Variants in MYDGF observed in about 807,000 individuals in gnomAD.
The protein encoded by MYDGF is myeloid derived growth factor.
In MYDGF, 29 loss-of-function variants were observed where a neutral mutation model predicts 24.2. That is an observed-to-expected ratio of 1.20 (90% CI 0.89 to 1.63). The LOEUF is 1.63. Ranked by LOEUF, MYDGF falls within the 40% of genes most tolerant of loss-of-function variation. The pLI, the probability that MYDGF is intolerant of heterozygous loss-of-function variation, is 0.00. For synonymous variants in MYDGF, 105 were observed against 102.5 expected (o/e 1.02, Z -0.15); for missense variants, 245 against 234.8 (o/e 1.04, Z -0.29).
chr19:4,661,163 C>T (rs2088468221), intron 3 of MYDGF, among the ~76,000 whole-genome samples: 1 of 152,046 alleles, frequency 6.6e-6, no homozygotes, highest in Non-Finnish European at 1.5e-5. Context: ...AACATGGTTT[C>T]ACCATGTTGG....
chr19:4,670,294 C>A lies in MYDGF; in HGVS notation c.41G>T (p.Ser14Ile). Residue 14 changes from serine to isoleucine, a missense_variant, in exon 1 of 6, where the codon AGC becomes ATC. Physicochemically the swap from Ser to Ile is moderately radical, Grantham distance 142 (BLOSUM62 -2). Coordinates refer to ENST00000262947, the MANE Select transcript of MYDGF (RefSeq NM_019107.4). ...CCCTAGGAGCAGCGCGGCCCACAAG[C>A]TCGCGCCGACGCCGTTCCACCCTCC... ...PSGGWNGVGA[S>I]LWAALLLGAV... is the part of the protein sequence containing the mutation. The A allele has an allele frequency of 6.6e-7, 1 of 1,511,224 alleles. No individual in the cohort carries two copies. Among genetic ancestry groups the A allele is most frequent in the Admixed American group, 2.2e-5 (1 of 45,132 alleles). The allele number at this position is 1,511,224 out of a possible 1,614,324, so 93.6% of individuals were successfully genotyped here. A position where few individuals can be genotyped will look rare whatever the true frequency, so the allele number is the denominator to read the frequency against.
intron 5 of MYDGF, among the ~76,000 whole-genome samples, 161 bp from the exon 6 acceptor site, chr19:4,658,245 GT>G (rs1221016138): frequency 6.6e-6 from 1 of 152,220 alleles, no homozygotes; most frequent in African/African-American, 2.4e-5. Flanking sequence ...AGTCTTACGG[GT>G]GACAGACAGG....
At chr19:4,658,206 T>C in intron 5 of MYDGF, 122 bp from the exon 6 acceptor site, 1 of 752,998 alleles carries the variant, frequency 1.3e-6, no homozygotes, top group Non-Finnish European at 2.1e-6. Context: ...CAAAGCAGAC[T>C]CCCATGTGAA....
rs554190127 is a variant in MYDGF, at chr19:4,669,485, G to T, written c.174+676C>A. 1.4e-3 allele frequency among the ~76,000 whole-genome samples: 210 copies of T among 152,264 alleles called. 2 individuals are homozygous for T. The highest frequency in any genetic ancestry group is 0.01 in the Middle Eastern group (3 of 294). ...CAACAACAATTATCCGGGTGTGGTG[G>T]CACACGTCTGTAATCCCAGGTACTG... is the stretch of plus-strand genomic sequence containing the variant. On this transcript the variant is annotated intron_variant, in intron 1 of 5. Transcript: ENST00000262947.
At chr19:4,664,280 T>C (rs2088503521) in intron 3 of MYDGF, among the ~76,000 whole-genome samples, 2 of 152,036 alleles carry the variant, frequency 1.3e-5, no homozygotes, top group African/African-American at 4.8e-5. Context: ...TGCAGCTGAA[T>C]TGTGAGCTTA....
chr19:4,657,652 G>A lies in MYDGF; in HGVS notation c.*353C>T, dbSNP rs1311582253. On this transcript the variant is annotated 3_prime_UTR_variant, in exon 6 of 6. Transcript: ENST00000262947. ...TAAACATAGGAAAGCAGTTCTGCAG[G>A]CTCATGAAGGATGCTCGGCTGGAGG... The A allele has an allele frequency of 1.0e-5, 2 of 193,078 alleles. No homozygotes were observed. Among genetic ancestry groups the A allele is most frequent in the African/African-American group, 4.7e-5 (2 of 42,986 alleles). 12.0% of individuals were successfully genotyped at this position (193,078 alleles called of 1,614,324 possible). A position where few individuals can be genotyped will look rare whatever the true frequency, so the allele number is the denominator to read the frequency against.
intron 2 of MYDGF, among the ~76,000 whole-genome samples, chr19:4,665,820 CAAAAAAAAAAAA>C (rs533879529): frequency 2.0e-4 from 9 of 45,490 alleles, no homozygotes; most frequent in East Asian, 1.2e-3. Flanking sequence ...GACTCTGTCT[CAAAAAAAAAAAA>C]AAAAAAAAAA....
At chr19:4,670,054 C>A in intron 1 of MYDGF, 107 bp downstream of exon 1, 2 of 1,243,846 alleles carry the variant, frequency 1.6e-6, no homozygotes, top group South Asian at 2.0e-5. Context: ...TTCTTCAGTA[C>A]CCACCTCCGC....
intron 1 of MYDGF, 67 bp from the exon 2 acceptor site, chr19:4,668,712 C>A (rs1220210324): frequency 1.0e-5 from 14 of 1,402,292 alleles, no homozygotes; most frequent in Non-Finnish European, 1.4e-5. Context: ...GAGACGGGGT[C>A]TTGCTGTCAC....
At chr19:4,668,526 G>T in intron 2 of MYDGF, 69 bp downstream of exon 2, 2 of 1,406,778 alleles carry the variant, frequency 1.4e-6, no homozygotes, top group South Asian at 1.2e-5. Context: ...CCTGCTGTCT[G>T]CTACAGAACA....
At chr19:4,658,143 G>A (rs1224611514) in intron 5 of MYDGF, 59 bp from the exon 6 acceptor site, 6 of 1,497,296 alleles carry the variant, frequency 4.0e-6, no homozygotes, top group Admixed American at 1.9e-5. Context: ...GAAGTCCGGA[G>A]GATTTGGGGT....
intron 5 of MYDGF, among the ~76,000 whole-genome samples, chr19:4,658,689 A>G (rs2088444289): frequency 6.6e-6 from 1 of 152,156 alleles, no homozygotes; most frequent in African/African-American, 2.4e-5. Flanking sequence ...GCAACCGAAG[A>G]AGGACCCTGA....
intron 3 of MYDGF, among the ~76,000 whole-genome samples, chr19:4,661,299 T>C (rs184890584): frequency 6.6e-6 from 1 of 152,262 alleles, no homozygotes; most frequent in African/African-American, 2.4e-5. Context: ...AGCTCATTCA[T>C]AGACACGCCT....
intron 3 of MYDGF, 81 bp downstream of exon 3, chr19:4,664,795 T>A: frequency 6.7e-7 from 1 of 1,496,482 alleles, no homozygotes; most frequent in Admixed American, 1.8e-5. Context: ...CAGCCCTCGT[T>A]CCCTGCCTTC....
chr19:4,661,695 G>C (rs1035917579), intron 3 of MYDGF, among the ~76,000 whole-genome samples: 11 of 152,190 alleles, frequency 7.2e-5, no homozygotes, highest in African/African-American at 2.6e-4. Context: ...TGGGGCGGGG[G>C]TATCCAGGGA....
chr19:4,658,191 G>T, intron 5 of MYDGF, 107 bp from the exon 6 acceptor site: 1 of 907,978 alleles, frequency 1.1e-6, no homozygotes, highest in East Asian at 2.7e-5. Flanking sequence ...AAGGGGAGCA[G>T]TCTCCAAAGC....
intron 3 of MYDGF, among the ~76,000 whole-genome samples, chr19:4,662,349 CTGTT>C (rs1317785325): frequency 1.3e-5 from 2 of 152,208 alleles, no homozygotes; most frequent in East Asian, 1.9e-4. Context: ...GAAATACCCA[CTGTT>C]TGGGCTGAGA....
intron 3 of MYDGF, among the ~76,000 whole-genome samples, chr19:4,663,592 C>T (rs376497535): frequency 4.1e-5 from 2 of 49,286 alleles, no homozygotes; most frequent in Non-Finnish European, 9.4e-5. Flanking sequence ...CTCCAATCTA[C>T]CCTCCCCACC....
intron 3 of MYDGF, among the ~76,000 whole-genome samples, chr19:4,662,796 G>A (rs1205440184): frequency 6.6e-6 from 1 of 151,990 alleles, no homozygotes; most frequent in Non-Finnish European, 1.5e-5. Flanking sequence ...TTCCCCGGGA[G>A]ATAGCATCAT....
Sources: gnomAD v4.1 joint callset for allele counts (sites outside exome capture counted in the v4.1 genomes callset) on GRCh38, gnomAD v4.1.1 for gene constraint, MANE v1.5 for transcripts, NCBI Gene and HGNC (gene_info 2026-07-23, HGNC 2026-07-21) for gene names.